SAMMSON: variants seen among roughly 807,000 people sequenced by gnomAD.
The protein encoded by SAMMSON is survival associated mitochondrial melanoma specific oncogenic non-coding RNA.
At chr3:70,305,300 T>C (rs1169753942) in intron 7 of SAMMSON, among the ~76,000 whole-genome samples, 1 of 152,210 alleles carries the variant, frequency 6.6e-6, no homozygotes, top group African/African-American at 2.4e-5. Flanking sequence ...CTATTTTTGT[T>C]ATTAGGTAAC....
chr3:70,323,167 G>T (rs904612937), intron 7 of SAMMSON, among the ~76,000 whole-genome samples: 19 of 152,106 alleles, frequency 1.2e-4, no homozygotes, highest in African/African-American at 4.6e-4. Flanking sequence ...TGCACAGGAC[G>T]TAAGAAGAAG....
chr3:70,307,744 G>A (rs772115606), intron 7 of SAMMSON, among the ~76,000 whole-genome samples: 1 of 152,018 alleles, frequency 6.6e-6, no homozygotes, highest in Admixed American at 6.6e-5. Context: ...CACAAGCCTT[G>A]CCTCTGTTTC....
chr3:70,073,020 C>T (rs996743815), intron 4 of SAMMSON, among the ~76,000 whole-genome samples: 6 of 151,954 alleles, frequency 3.9e-5, no homozygotes, highest in Admixed American at 2.6e-4. Context: ...CTAGCATTAT[C>T]CTCAAATTGT....
At chr3:70,428,828 C>G (rs1701391518) in intron 2 of SAMMSON, among the ~76,000 whole-genome samples, 1 of 152,064 alleles carries the variant, frequency 6.6e-6, no homozygotes, top group Non-Finnish European at 1.5e-5. Flanking sequence ...ATTTTGTTAT[C>G]TTTCTTCCAA....
intron 3 of SAMMSON, among the ~76,000 whole-genome samples, chr3:70,057,657 AGTGTGT>A (rs35757148): frequency 2.2e-4 from 33 of 148,978 alleles, no homozygotes; most frequent in Non-Finnish European, 3.3e-4. Context: ...TATATGGATG[AGTGTGT>A]GTGTGTGTGT....
At chr3:70,238,477 G>GT (rs1454529278) in intron 4 of SAMMSON, among the ~76,000 whole-genome samples, 1 of 151,948 alleles carries the variant, frequency 6.6e-6, no homozygotes, top group Non-Finnish European at 1.5e-5. Flanking sequence ...GCCAGGTATG[G>GT]TGATGCATGC....
intron 6 of SAMMSON, among the ~76,000 whole-genome samples, chr3:70,278,033 A>G (rs1431325104): frequency 6.6e-6 from 1 of 152,102 alleles, no homozygotes; most frequent in East Asian, 1.9e-4. Context: ...GTGTACACCT[A>G]TCTAACCACC....
intron 6 of SAMMSON, among the ~76,000 whole-genome samples, chr3:70,284,683 G>A (rs749214562): frequency 3.9e-5 from 6 of 152,152 alleles, no homozygotes; most frequent in Non-Finnish European, 7.3e-5. Flanking sequence ...CTTATAAGTG[G>A]GAGCTAAACA....
At chr3:70,185,269 A>G (rs942247033) in intron 4 of SAMMSON, among the ~76,000 whole-genome samples, 3 of 152,300 alleles carry the variant, frequency 2.0e-5, no homozygotes, top group African/African-American at 4.8e-5. Flanking sequence ...AATTTCCTCC[A>G]TGGCATATAT....
At chr3:70,280,520 A>G (rs1314324743) in intron 6 of SAMMSON, among the ~76,000 whole-genome samples, 1 of 152,136 alleles carries the variant, frequency 6.6e-6, no homozygotes, top group Non-Finnish European at 1.5e-5. Flanking sequence ...AGCTGAGCTG[A>G]AGCATTATCT....
chr3:70,226,857 C>T (rs1462960050), intron 4 of SAMMSON, among the ~76,000 whole-genome samples: 1 of 151,558 alleles, frequency 6.6e-6, no homozygotes, highest in Non-Finnish European at 1.5e-5. Flanking sequence ...CTTAGCAGAG[C>T]ATGGTAAGAA....
At chr3:70,423,492 C>T (rs770439474) in intron 2 of SAMMSON, among the ~76,000 whole-genome samples, 2 of 152,124 alleles carry the variant, frequency 1.3e-5, no homozygotes, top group South Asian at 4.1e-4. Flanking sequence ...ATAGCGTCTG[C>T]GTTTCCAGAT....
intron 4 of SAMMSON, among the ~76,000 whole-genome samples, chr3:70,128,425 T>C (rs2067468013): frequency 6.6e-6 from 1 of 152,216 alleles, no homozygotes; most frequent in Non-Finnish European, 1.5e-5. Flanking sequence ...GCTTGGAGAT[T>C]CCCAACAAAT....
At chr3:70,167,485 T>C (rs923214814) in intron 4 of SAMMSON, among the ~76,000 whole-genome samples, 2 of 151,990 alleles carry the variant, frequency 1.3e-5, no homozygotes, top group Non-Finnish European at 1.5e-5. Context: ...TTCACAGCCT[T>C]TGGACACATT....
chr3:70,055,396 A>G (rs1201336350), intron 3 of SAMMSON, among the ~76,000 whole-genome samples: 1 of 152,138 alleles, frequency 6.6e-6, no homozygotes, highest in Non-Finnish European at 1.5e-5. Flanking sequence ...AATCTGTACT[A>G]TATTTGGTTG....
At chr3:70,066,913 G>A (rs2067212022) in intron 3 of SAMMSON, among the ~76,000 whole-genome samples, 1 of 152,094 alleles carries the variant, frequency 6.6e-6, no homozygotes, top group African/African-American at 2.4e-5. Flanking sequence ...AAATATGTTG[G>A]TTGGTTATTT....
At chr3:70,178,267 T>C (rs1285533188) in intron 4 of SAMMSON, among the ~76,000 whole-genome samples, 1 of 152,152 alleles carries the variant, frequency 6.6e-6, no homozygotes, top group Admixed American at 6.5e-5. Context: ...GGAGGGGGCA[T>C]TAAAATAATT....
At chr3:70,409,046 G>A (rs1317959183) in intron 2 of SAMMSON, among the ~76,000 whole-genome samples, 1 of 152,080 alleles carries the variant, frequency 6.6e-6, no homozygotes, top group Non-Finnish European at 1.5e-5. Flanking sequence ...TCACTACCAT[G>A]AGAACAGCAT....
chr3:70,313,107 T>C (rs1272920150), intron 7 of SAMMSON, among the ~76,000 whole-genome samples: 3 of 152,190 alleles, frequency 2.0e-5, no homozygotes, highest in Admixed American at 6.5e-5. Context: ...TCTGTAGATA[T>C]TCCAAAGGGA....
Sources: gnomAD v4.1 joint callset for allele counts (sites outside exome capture counted in the v4.1 genomes callset) on GRCh38, gnomAD v4.1.1 for gene constraint, MANE v1.5 for transcripts, NCBI Gene and HGNC (gene_info 2026-07-23, HGNC 2026-07-21) for gene names.